DMD: variants seen among roughly 807,000 people sequenced by gnomAD.
The protein encoded by DMD is dystrophin.
DMD carries 63 observed loss-of-function variants against 330.1 expected under a neutral mutation model. That is an observed-to-expected ratio of 0.19 (90% CI 0.16 to 0.24). The LOEUF is 0.24. DMD is among the 10% of genes least tolerant of loss of function. DMD has a pLI of 1.00. For synonymous variants in DMD, 1,223 were observed against 959.8 expected, an observed-to-expected ratio of 1.27 and a Z score of -5.07; for missense variants, 3,344 against 2,684.1, an observed-to-expected ratio of 1.25 and a Z score of -5.43.
chrX:33,027,596 A>G (rs1232809145), intron 1 of DMD, among the ~76,000 whole-genome samples: 1 of 112,736 alleles, frequency 8.9e-6, no homozygotes, highest in Non-Finnish European at 1.9e-5. Context: ...GGTGGTAGAA[A>G]AACAACTGTG....
chrX:32,482,709 A>G (rs888064194), intron 21 of DMD, among the ~76,000 whole-genome samples: 5 of 111,755 alleles, frequency 4.5e-5, no homozygotes, highest in Non-Finnish European at 9.4e-5. Flanking sequence ...AATAACAAAT[A>G]CTCAATGTGT....
intron 42 of DMD, among the ~76,000 whole-genome samples, chrX:32,302,875 G>A (rs2097528296): frequency 9.0e-6 from 1 of 110,790 alleles, no homozygotes; most frequent in African/African-American, 3.3e-5. Context: ...TAAAAAACAG[G>A]CCTAAATATC....
chrX:31,868,184 A>T (rs2093831785), intron 48 of DMD, among the ~76,000 whole-genome samples: 1 of 112,428 alleles, frequency 8.9e-6, no homozygotes, highest in African/African-American at 3.2e-5. Context: ...CTCAAGATCA[A>T]GCAAGACAAG....
At chrX:32,001,704 T>A (rs1196000469) in intron 44 of DMD, among the ~76,000 whole-genome samples, 2 of 111,709 alleles carry the variant, frequency 1.8e-5, no homozygotes, top group African/African-American at 6.5e-5. Flanking sequence ...TAATCCACTA[T>A]TTATTGAGTG....
intron 1 of DMD, among the ~76,000 whole-genome samples, chrX:33,078,054 T>G (rs926463752): frequency 3.6e-5 from 4 of 112,014 alleles, no homozygotes; most frequent in Non-Finnish European, 7.5e-5. Context: ...CAGATAAGAC[T>G]TTTTGAAAGC....
At chrX:32,159,708 A>G (rs1234913068) in intron 44 of DMD, among the ~76,000 whole-genome samples, 2 of 112,025 alleles carry the variant, frequency 1.8e-5, no homozygotes, top group East Asian at 5.6e-4. Context: ...CGGTATTTTC[A>G]GGGAAAAACA....
intron 44 of DMD, among the ~76,000 whole-genome samples, chrX:32,068,533 T>C (rs1450174017): frequency 9.0e-5 from 10 of 110,728 alleles, no homozygotes; most frequent in Non-Finnish European, 1.7e-4. Flanking sequence ...CAATGCTTAT[T>C]TTTTTGTTGA....
chrX:31,738,965 G>GT (rs772427684), intron 51 of DMD, among the ~76,000 whole-genome samples: 37 of 111,799 alleles, frequency 3.3e-4, no homozygotes, highest in Middle Eastern at 4.6e-3. Context: ...TGTAGGTATA[G>GT]TTACTGGGTA....
At chrX:32,754,423 C>G (rs1295417505) in intron 7 of DMD, among the ~76,000 whole-genome samples, 3 of 110,365 alleles carry the variant, frequency 2.7e-5, no homozygotes, top group African/African-American at 9.9e-5. Flanking sequence ...ACAGAGCTCA[C>G]TCTCCCAAGT....
At chrX:31,762,406 T>C (rs1045415884) in intron 51 of DMD, among the ~76,000 whole-genome samples, 1 of 110,576 alleles carries the variant, frequency 9.0e-6, no homozygotes, top group African/African-American at 3.3e-5. Flanking sequence ...CCGTCTCTAC[T>C]AAAAATACAA....
chrX:31,317,522 T>C (rs2148241310), intron 62 of DMD, among the ~76,000 whole-genome samples: 1 of 104,923 alleles, frequency 9.5e-6, no homozygotes, highest in Non-Finnish European at 2.0e-5. Flanking sequence ...TTTTTTTTTT[T>C]TTTTTTTTGA....
intron 1 of DMD, among the ~76,000 whole-genome samples, chrX:33,268,858 T>G (rs1425144392): frequency 9.6e-6 from 1 of 104,478 alleles, no homozygotes; most frequent in East Asian, 3.0e-4. Context: ...ACCCAGGAGG[T>G]TGAGGTGCAG....
At chrX:32,507,902 T>C (rs1420085551) in intron 18 of DMD, among the ~76,000 whole-genome samples, 4 of 111,145 alleles carry the variant, frequency 3.6e-5, no homozygotes, top group African/African-American at 9.8e-5. Flanking sequence ...TTAGATTCAA[T>C]ATTAGAACCC....
At chrX:32,661,820 G>C (rs1456830351) in intron 9 of DMD, among the ~76,000 whole-genome samples, 2 of 111,224 alleles carry the variant, frequency 1.8e-5, no homozygotes, top group Non-Finnish European at 3.8e-5. Flanking sequence ...AGTTTCATTA[G>C]CACAATGCCT....
chrX:31,336,255 G>T (rs1202690339), intron 61 of DMD, among the ~76,000 whole-genome samples: 1 of 100,039 alleles, frequency 1.0e-5, no homozygotes, highest in African/African-American at 3.9e-5. Context: ...TCAACTAGGG[G>T]CAATTTCACC....
At chrX:31,278,065 T>C (rs2052315037) in intron 62 of DMD, among the ~76,000 whole-genome samples, 1 of 108,675 alleles carries the variant, frequency 9.2e-6, no homozygotes, top group Admixed American at 9.9e-5. Context: ...GGGTAAGTAA[T>C]GTTTTGTGAA....
intron 13 of DMD, among the ~76,000 whole-genome samples, chrX:32,574,080 G>T (rs2052745087): frequency 9.0e-6 from 1 of 111,478 alleles, no homozygotes; most frequent in African/African-American, 3.3e-5. Flanking sequence ...AATATGAAGT[G>T]GTTATTATAC....
intron 61 of DMD, among the ~76,000 whole-genome samples, chrX:31,325,540 G>T (rs1176479346): frequency 9.1e-6 from 1 of 109,542 alleles, no homozygotes; most frequent in Non-Finnish European, 1.9e-5. Flanking sequence ...CTTGAACCCA[G>T]GAGGCAAAGG....
chrX:32,592,208 G>C (rs2055001745), intron 13 of DMD, among the ~76,000 whole-genome samples: 1 of 111,428 alleles, frequency 9.0e-6, no homozygotes, highest in Non-Finnish European at 1.9e-5. Context: ...ATGGCCTGAA[G>C]CCTGGGGGCT....
Sources: allele counts gnomAD v4.1 joint callset (sites outside exome capture counted in the v4.1 genomes callset), GRCh38; gene constraint gnomAD v4.1.1; transcripts MANE v1.5; gene names NCBI Gene and HGNC (gene_info 2026-07-23, HGNC 2026-07-21).